BORCS5: variants seen among roughly 807,000 people sequenced by gnomAD.
BORCS5 encodes the protein BLOC-1 related complex subunit 5.
BORCS5 carries 17 observed loss-of-function variants against 22.1 expected under a neutral mutation model. The observed-to-expected ratio is 0.77, with a 90% CI of 0.53 to 1.15. The LOEUF (loss-of-function observed/expected upper bound fraction) is 1.15, where lower values mean the gene tolerates loss of function less well. Among genes scored for constraint, BORCS5 ranks in the 50% most tolerant of loss-of-function variants. The probability of loss-of-function intolerance (pLI) is 0.00; values close to 1 mark genes in which losing one functional copy is unlikely to be tolerated. For synonymous variants in BORCS5, 117 were observed against 99.8 expected (o/e 1.17, Z -1.03); for missense variants, 247 against 253.2 (o/e 0.98, Z 0.17).
At chr12:12,443,456 A>G (rs1443122304) in intron 3 of BORCS5, among the ~76,000 whole-genome samples, 1 of 152,198 alleles carries the variant, frequency 6.6e-6, no homozygotes, top group African/African-American at 2.4e-5. Context: ...TAAGAAATAC[A>G]ACTGGTCCCC....
intron 2 of BORCS5, among the ~76,000 whole-genome samples, chr12:12,408,944 G>T (rs1301691251): frequency 6.6e-6 from 1 of 152,016 alleles, no homozygotes; most frequent in Non-Finnish European, 1.5e-5. Context: ...ATTCTTTTGG[G>T]TATATACTCA....
intron 2 of BORCS5, among the ~76,000 whole-genome samples, chr12:12,370,053 C>CAT (rs888531738): frequency 3.1e-4 from 47 of 150,594 alleles, no homozygotes; most frequent in African/African-American, 1.1e-3. Flanking sequence ...CTATTGCTTT[C>CAT]ATATATATTG....
rs1354251512 is a variant in BORCS5 at position 12,381,258 on chromosome 12, T to C, written c.202+19909T>C. On this transcript the variant is annotated intron_variant, in intron 2 of 3. Transcript: ENST00000314565. Reference sequence around the variant, plus strand: ...GGCTGATATTTTTTGAAGTACAACTTTTTTAATCTTGATGAAGTTCAGTGT... The same window carrying C: ...GGCTGATATTTTTTGAAGTACAACTCTTTTAATCTTGATGAAGTTCAGTGT... Among the ~76,000 whole-genome samples, 3 of 151,318 alleles carry C rather than the reference T, an allele frequency of 2.0e-5. 1 individual carries two copies. Among genetic ancestry groups the C allele is most frequent in the Non-Finnish European group, 4.4e-5 (3 of 67,668 alleles).
intron 2 of BORCS5, among the ~76,000 whole-genome samples, chr12:12,412,145 A>G (rs1385912587): frequency 6.6e-6 from 1 of 152,068 alleles, no homozygotes; most frequent in African/African-American, 2.4e-5. Context: ...GGATCTTTCT[A>G]TTTCTGAAAA....
At chr12:12,435,894 C>G (rs541848369) in intron 3 of BORCS5, 109 bp downstream of exon 3, 474 of 1,116,406 alleles carry the variant, frequency 4.2e-4, no homozygotes, top group Non-Finnish European at 5.4e-4. Context: ...GAGGAGATTG[C>G]TTTTTCCCAG....
chr12:12,384,350 T>A (rs967292231), intron 2 of BORCS5, among the ~76,000 whole-genome samples: 1 of 150,456 alleles, frequency 6.6e-6, no homozygotes, highest in Admixed American at 6.6e-5. Flanking sequence ...TTCATTGTTA[T>A]ATTTTTCTTT....
intron 1 of BORCS5, among the ~76,000 whole-genome samples, chr12:12,358,470 T>C (rs2136009324): frequency 6.6e-6 from 1 of 152,356 alleles, no homozygotes; most frequent in East Asian, 1.9e-4. Flanking sequence ...TGCTACGTTT[T>C]TCTATTTCCT....
At chr12:12,414,103 G>T (rs1437373358) in intron 2 of BORCS5, among the ~76,000 whole-genome samples, 1 of 86,214 alleles carries the variant, frequency 1.2e-5, no homozygotes, top group Non-Finnish European at 2.4e-5. Flanking sequence ...CTGGCCGGGC[G>T]GGGGGCTGAC....
rs1457281037 is a variant in BORCS5, at chr12:12,469,231, C to T, written c.*3455C>T. The T allele has an allele frequency of 6.6e-6, 1 of 152,234 alleles. No homozygotes were observed. The highest frequency in any genetic ancestry group is 1.5e-5 in the Non-Finnish European group (1 of 68,088). The allele number at this position is 152,234 out of a possible 1,614,324, so 9.4% of individuals were successfully genotyped here. On this transcript the variant is annotated 3_prime_UTR_variant, in exon 4 of 4. Transcript: ENST00000314565. ...ATTACCCGGGCATGGTGGCTGGTGC[C>T]TGTAATCCCCGCTACTTGGGAGGCC...
intron 3 of BORCS5, among the ~76,000 whole-genome samples, chr12:12,461,499 A>T (rs1943104393): frequency 6.6e-6 from 1 of 152,108 alleles, no homozygotes; most frequent in South Asian, 2.1e-4. Context: ...GTATAAGATT[A>T]TATTAACTAG....
At chr12:12,449,915 C>T (rs532410044) in intron 3 of BORCS5, among the ~76,000 whole-genome samples, 5 of 152,308 alleles carry the variant, frequency 3.3e-5, no homozygotes, top group African/African-American at 1.2e-4. Context: ...CCAGGCTCAC[C>T]GAGCAGGTTC....
chr12:12,457,377 C>A (rs1022465824), intron 3 of BORCS5, among the ~76,000 whole-genome samples: 1 of 152,176 alleles, frequency 6.6e-6, no homozygotes, highest in African/African-American at 2.4e-5. Flanking sequence ...AGTTAGAAAA[C>A]TGGAATGTTT....
At chr12:12,460,976 A>G (rs1002524335) in intron 3 of BORCS5, among the ~76,000 whole-genome samples, 3 of 152,208 alleles carry the variant, frequency 2.0e-5, no homozygotes, top group Non-Finnish European at 2.9e-5. Flanking sequence ...CTTTGAGCAC[A>G]TTCTACAGAT....
At chr12:12,416,068 C>T (rs80245857) in intron 2 of BORCS5, among the ~76,000 whole-genome samples, 2,061 of 152,190 alleles carry the variant, frequency 0.014, 42 homozygotes, top group African/African-American at 0.047. Flanking sequence ...TTCTGTGTTT[C>T]TAGGAATTTG....
At chr12:12,419,044 C>A (rs1942045676) in intron 2 of BORCS5, among the ~76,000 whole-genome samples, 1 of 151,714 alleles carries the variant, frequency 6.6e-6, no homozygotes, top group Non-Finnish European at 1.5e-5. Flanking sequence ...TAGCTGTTTT[C>A]TTTTTTTAAA....
intron 2 of BORCS5, among the ~76,000 whole-genome samples, chr12:12,364,678 C>T (rs1347417241): frequency 2.6e-5 from 4 of 152,104 alleles, no homozygotes; most frequent in African/African-American, 9.7e-5. Context: ...TTGAAGTCAT[C>T]ACTGAGGGCT....
intron 2 of BORCS5, among the ~76,000 whole-genome samples, chr12:12,363,608 G>T: frequency 6.6e-6 from 1 of 152,090 alleles, no homozygotes; most frequent in East Asian, 1.9e-4. Flanking sequence ...GTGGTGGCGG[G>T]TGCCTGTAGT....
intron 3 of BORCS5, among the ~76,000 whole-genome samples, chr12:12,455,975 A>G (rs1209057394): frequency 6.6e-6 from 1 of 152,194 alleles, no homozygotes; most frequent in African/African-American, 2.4e-5. Flanking sequence ...TTTGCTTTTG[A>G]TCATTTCATG....
intron 2 of BORCS5, among the ~76,000 whole-genome samples, chr12:12,413,495 C>T (rs1404201688): frequency 6.6e-6 from 1 of 150,428 alleles, no homozygotes; most frequent in Non-Finnish European, 1.5e-5. Flanking sequence ...CACACAGACC[C>T]GGCAACCATC....
Sources: gnomAD v4.1 joint callset for allele counts (sites outside exome capture counted in the v4.1 genomes callset) on GRCh38, gnomAD v4.1.1 for gene constraint, MANE v1.5 for transcripts, NCBI Gene and HGNC (gene_info 2026-07-23, HGNC 2026-07-21) for gene names.